Variants in AVEN observed in about 807,000 individuals in gnomAD.
The protein encoded by AVEN is apoptosis and caspase activation inhibitor, also known as cell death regulator Aven.
A neutral mutation model predicts 38.1 loss-of-function variants in AVEN; 41 were observed. The ratio of observed to expected loss-of-function variants is 1.08; its 90% CI spans 0.84 to 1.40. The LOEUF (loss-of-function observed/expected upper bound fraction) is 1.40, where lower values mean the gene tolerates loss of function less well. Among genes scored for constraint, AVEN ranks in the 40% most tolerant of loss-of-function variants. The pLI, the probability that AVEN is intolerant of heterozygous loss-of-function variation, is 0.00. For missense variants in AVEN, 605 were observed against 438.8 expected, an observed-to-expected ratio of 1.38 and a Z score of -3.38; for synonymous variants, 206 against 171.8, an observed-to-expected ratio of 1.20 and a Z score of -1.56.
intron 2 of AVEN, among the ~76,000 whole-genome samples, chr15:33,950,900 G>A (rs1050016657): frequency 1.1e-4 from 17 of 152,212 alleles, no homozygotes; most frequent in Middle Eastern, 3.4e-3. Context: ...CCAGCTACTC[G>A]CGAGGCTGAG....
intron 2 of AVEN, among the ~76,000 whole-genome samples, chr15:33,956,455 CAT>C (rs762940252): frequency 4.6e-5 from 7 of 152,228 alleles, no homozygotes; most frequent in Non-Finnish European, 7.3e-5. Context: ...CATCTTTTCA[CAT>C]GTTTAAGAGC....
chr15:34,045,699 C>T (rs1170899910), intron 5 of AVEN, among the ~76,000 whole-genome samples: 3 of 147,824 alleles, frequency 2.0e-5, no homozygotes, highest in Non-Finnish European at 4.5e-5. Context: ...TAAAGCTTCT[C>T]ATAAAAAAAA....
chr15:33,988,885 C>T (rs1021316996), intron 2 of AVEN, among the ~76,000 whole-genome samples: 13 of 152,320 alleles, frequency 8.5e-5, no homozygotes, highest in Middle Eastern at 3.4e-3. Flanking sequence ...CCAACTATCC[C>T]TTGGATGCCC....
At chr15:34,056,877 A>G (rs1323410833) in intron 5 of AVEN, among the ~76,000 whole-genome samples, 2 of 152,128 alleles carry the variant, frequency 1.3e-5, no homozygotes, top group Non-Finnish European at 2.9e-5. Context: ...AGCAAAATGA[A>G]ACCAGAAAAA....
chr15:33,929,110 G>A (rs1368452983), intron 2 of AVEN, among the ~76,000 whole-genome samples: 2 of 151,894 alleles, frequency 1.3e-5, no homozygotes, highest in Non-Finnish European at 2.9e-5. Flanking sequence ...ATTCTTGGTG[G>A]GGCCTTAGAA....
At chr15:33,861,813 CTTT>C (rs948341108), downstream of AVEN, among the ~76,000 whole-genome samples, 3 of 151,902 alleles carry the variant, frequency 2.0e-5, no homozygotes, top group Non-Finnish European at 2.9e-5. Context: ...TTCATACTGC[CTTT>C]TTTTGTTTTT....
chr15:33,906,599 G>C (rs1483587724), intron 2 of AVEN, among the ~76,000 whole-genome samples: 2 of 152,162 alleles, frequency 1.3e-5, no homozygotes, highest in African/African-American at 4.8e-5. Flanking sequence ...GAACCTTGAA[G>C]ACATTATGCT....
At chr15:33,887,387 T>A (rs540334953) in intron 2 of AVEN, among the ~76,000 whole-genome samples, 1 of 152,308 alleles carries the variant, frequency 6.6e-6, no homozygotes, top group South Asian at 2.1e-4. Context: ...CCTTTCAACA[T>A]TTTTTTCAGT....
upstream of AVEN, among the ~76,000 whole-genome samples, chr15:34,039,937 G>A (rs1267796323): frequency 6.6e-6 from 1 of 152,170 alleles, no homozygotes; most frequent in Non-Finnish European, 1.5e-5. Flanking sequence ...AAAACAGGAA[G>A]GGGAACAGTT....
chr15:33,937,194 A>T (rs191331366), intron 2 of AVEN, among the ~76,000 whole-genome samples: 1 of 150,952 alleles, frequency 6.6e-6, no homozygotes, highest in Admixed American at 6.6e-5. Flanking sequence ...TGGGAAAAAG[A>T]CAGCTGATTC....
At position 33,993,852 on chromosome 15, in the gene AVEN, T is replaced by C. The variant is rs993373676; in HGVS notation, c.445+9180A>G. The stretch of plus-strand genomic sequence containing the variant: ...CTTAAAAAATAGGGTTTTTTTTTCC[T>C]GTGTTTGAACTTTATATAATAGAAT... On this transcript the variant is annotated intron_variant, in intron 2 of 5. Coordinates refer to ENST00000306730, the MANE Select transcript of AVEN (RefSeq NM_020371.3). Among the ~76,000 whole-genome samples the C allele has an allele frequency of 2.0e-5, 3 of 152,086 alleles. No individual in the cohort carries two copies. In the East Asian group the frequency reaches 5.8e-4, roughly 29 times the overall value.
At chr15:33,994,147 G>C (rs1001798064) in intron 2 of AVEN, among the ~76,000 whole-genome samples, 1 of 152,228 alleles carries the variant, frequency 6.6e-6, no homozygotes, top group African/African-American at 2.4e-5. Flanking sequence ...TGGTGGGCAA[G>C]TGAGCAGATT....
intron 2 of AVEN, among the ~76,000 whole-genome samples, chr15:33,886,220 T>C (rs999354823): frequency 1.3e-5 from 2 of 152,160 alleles, no homozygotes; most frequent in Non-Finnish European, 1.5e-5. Context: ...CCACGAGTCA[T>C]GAAAGGGACC....
At chr15:34,021,296 T>C (rs1179446804) in intron 1 of AVEN, among the ~76,000 whole-genome samples, 3 of 152,020 alleles carry the variant, frequency 2.0e-5, no homozygotes, top group Admixed American at 6.6e-5. Flanking sequence ...GTATCTTTTT[T>C]TTTTTTGAGA....
At chr15:34,009,687 C>A (rs1897553448) in intron 1 of AVEN, among the ~76,000 whole-genome samples, 1 of 152,014 alleles carries the variant, frequency 6.6e-6, no homozygotes, top group South Asian at 2.1e-4. Context: ...AAAGGTCAAT[C>A]AAAAAGATAT....
At chr15:34,047,069 G>A (rs1899721764) in intron 5 of AVEN, among the ~76,000 whole-genome samples, 1 of 110,710 alleles carries the variant, frequency 9.0e-6, no homozygotes, top group Non-Finnish European at 2.0e-5. Flanking sequence ...TGGTTTTTTT[G>A]TTGGTTTTTT....
intron 5 of AVEN, 79 bp from the exon 6 acceptor site, chr15:33,866,807 T>C (rs902993067): frequency 3.0e-6 from 3 of 998,808 alleles, no homozygotes; most frequent in African/African-American, 1.6e-5. Flanking sequence ...TTTATTACTT[T>C]CCTTACAACA....
At chr15:33,979,250 G>T (rs1000033054) in intron 2 of AVEN, among the ~76,000 whole-genome samples, 1 of 152,160 alleles carries the variant, frequency 6.6e-6, no homozygotes, top group Admixed American at 6.5e-5. Context: ...GGCCAGGCAC[G>T]GTGTCCCATG....
chr15:34,001,678 AAAG>A (rs1331334557), intron 2 of AVEN, among the ~76,000 whole-genome samples: 1 of 145,086 alleles, frequency 6.9e-6, no homozygotes, highest in African/African-American at 2.6e-5. Context: ...CCACAAACCT[AAAG>A]AAGTTATGCT....
Sources: gnomAD v4.1 joint callset for allele counts (sites outside exome capture counted in the v4.1 genomes callset) on GRCh38, gnomAD v4.1.1 for gene constraint, MANE v1.5 for transcripts, NCBI Gene and HGNC (gene_info 2026-07-23, HGNC 2026-07-21) for gene names.